LCORL: variants seen among roughly 807,000 people sequenced by gnomAD.
LCORL encodes ligand-dependent nuclear receptor corepressor-like protein.
In LCORL, 41 loss-of-function variants were observed where a neutral mutation model predicts 141.8. The observed-to-expected ratio is 0.29, with a 90% CI of 0.23 to 0.38. LCORL has a LOEUF of 0.38. LCORL is among the 10% of genes least tolerant of loss of function. LCORL has a pLI of 1.00. For missense variants in LCORL, 1,759 were observed against 2,035.0 expected (o/e 0.86, Z 2.61); for synonymous variants, 618 against 694.1 (o/e 0.89, Z 1.72).
At chr4:17,946,860 A>G (rs558466827) in intron 4 of LCORL, among the ~76,000 whole-genome samples, 3 of 152,124 alleles carry the variant, frequency 2.0e-5, no homozygotes, top group East Asian at 3.9e-4. Context: ...AAGAGCTATT[A>G]AAAGAAGAAA....
chr4:17,893,712 T>G (rs1729459635), intron 5 of LCORL: 1 of 317,394 alleles, frequency 3.2e-6, no homozygotes, highest in South Asian at 1.2e-4. Flanking sequence ...CCAAAATGTG[T>G]TTTTACAGCT....
At chr4:17,929,358 G>T (rs2109412487) in intron 4 of LCORL, among the ~76,000 whole-genome samples, 1 of 152,234 alleles carries the variant, frequency 6.6e-6, no homozygotes, top group Middle Eastern at 3.4e-3. Context: ...CGGAGGATTA[G>T]CATTTCCTAA....
chr4:17,990,641 G>GT (rs1719832244), intron 1 of LCORL, among the ~76,000 whole-genome samples: 1 of 137,132 alleles, frequency 7.3e-6, no homozygotes, highest in African/African-American at 3.1e-5. Context: ...TTCCCATCTT[G>GT]GTTTTTTTTT....
Position 17,874,309 on chromosome 4 carries a change from G to A in LCORL, c.4681C>T (p.Leu1561Phe), listed in dbSNP as rs148658749. Residue 1561 changes from leucine to phenylalanine, a missense_variant, in exon 7 of 8, where the codon CTC becomes TTC. By Grantham distance (22) the Leu-to-Phe change is conservative. This residue lies in a region of LCORL where 313 missense variants were observed against 336.1 expected (regional missense o/e 0.93). Coordinates refer to ENST00000635767, the Ensembl canonical transcript of LCORL. ...TCTGCTGATTTTGAAGGAGAAGAGA[G>A]TGCAAATTTTTTAAAGTGCTTTCTG... 283 of 1,233,894 alleles carry A rather than the reference G, an allele frequency of 2.3e-4. 1 individual carries two copies. In the East Asian group the frequency reaches 7.8e-3, roughly 34 times the overall value. 76.4% of individuals were successfully genotyped at this position (1,233,894 alleles called of 1,614,324 possible).
chr4:17,874,252 A>G (rs570473701), exon 7 of LCORL: 38 of 1,233,882 alleles, frequency 3.1e-5, no homozygotes, highest in Non-Finnish European at 3.5e-5. Flanking sequence ...AAGAGTGGAG[A>G]GTTAGCCACT....
At chr4:17,930,605 T>G (rs1017962994) in intron 4 of LCORL, among the ~76,000 whole-genome samples, 1 of 152,216 alleles carries the variant, frequency 6.6e-6, no homozygotes, top group African/African-American at 2.4e-5. Flanking sequence ...TATCAAAGGA[T>G]TTCCTAAAAT....
chr4:18,010,391 T>TGA (rs1723516397), intron 1 of LCORL, among the ~76,000 whole-genome samples: 1 of 143,422 alleles, frequency 7.0e-6, no homozygotes, highest in Non-Finnish European at 1.5e-5. Context: ...TATATATGTG[T>TGA]GTGTGTCTGT....
At chr4:17,881,345 A>G (rs1307105265) in intron 6 of LCORL, 1 of 981,814 alleles carries the variant, frequency 1.0e-6, no homozygotes, top group Non-Finnish European at 1.2e-6. Flanking sequence ...TCTTAATAGA[A>G]TCACTGGGGA....
In LCORL at chr4:17,906,977, C is replaced by T. The variant is rs146494844; in HGVS notation, c.682+2117G>A. Among the ~76,000 whole-genome samples, 763 of 152,290 alleles carry T rather than the reference C, an allele frequency of 5.0e-3. 4 individuals carry two copies. Among genetic ancestry groups the T allele is most frequent in the Middle Eastern group, 0.01 (3 of 294 alleles). ...GATTACAGGTGTGAGCCACCATGCC[C>T]GGCCAAAATGCCAACTATTCTAACC... is the stretch of plus-strand genomic sequence containing the variant. On this transcript the variant is annotated intron_variant, in intron 5 of 7. Transcript: ENST00000635767.
chr4:17,924,786 T>C (rs1734857072), intron 4 of LCORL, among the ~76,000 whole-genome samples: 1 of 152,232 alleles, frequency 6.6e-6, no homozygotes, highest in Admixed American at 6.5e-5. Context: ...CATCATGAAG[T>C]AGCTGGATTG....
intron 4 of LCORL, among the ~76,000 whole-genome samples, chr4:17,910,679 G>A (rs935350459): frequency 6.6e-6 from 1 of 152,094 alleles, no homozygotes; most frequent in Non-Finnish European, 1.5e-5. Flanking sequence ...TGGAGGTGAG[G>A]AGAGGCAACA....
intron 1 of LCORL, among the ~76,000 whole-genome samples, chr4:17,996,913 A>T (rs1056779785): frequency 6.6e-6 from 1 of 152,098 alleles, no homozygotes; most frequent in African/African-American, 2.4e-5. Context: ...AATGAATTAT[A>T]AATATTCTAA....
intron 5 of LCORL, among the ~76,000 whole-genome samples, chr4:17,888,893 C>T (rs1290919033): frequency 6.6e-6 from 1 of 152,076 alleles, no homozygotes; most frequent in African/African-American, 2.4e-5. Context: ...TGATTTTGCT[C>T]ATTTTATGTA....
chr4:18,013,196 C>A (rs1724078516), intron 1 of LCORL, among the ~76,000 whole-genome samples: 1 of 152,162 alleles, frequency 6.6e-6, no homozygotes, highest in Non-Finnish European at 1.5e-5. Flanking sequence ...CCACTCCCTC[C>A]TGGTTTTACT....
chr4:17,923,029 C>G (rs1323309992), intron 4 of LCORL, among the ~76,000 whole-genome samples: 1 of 152,214 alleles, frequency 6.6e-6, no homozygotes, highest in South Asian at 2.1e-4. Context: ...AACCCCAACA[C>G]CCCTGTTTGC....
At chr4:17,883,219 T>C in intron 6 of LCORL, 1 of 983,288 alleles carries the variant, frequency 1.0e-6, no homozygotes, top group Non-Finnish European at 1.2e-6. Flanking sequence ...TTAATTTTTC[T>C]TAGTATGGAG....
Position 17,965,978 on chromosome 4 carries a change from TTCATGAAGATCATGAAAC to T in LCORL, c.221-2947_221-2930del, listed in dbSNP as rs1177998348. 5.7e-4 allele frequency among the ~76,000 whole-genome samples: 87 copies of T among 152,122 alleles called. 3 individuals are homozygous for T. The highest frequency in any genetic ancestry group is 2.5e-4 in the Non-Finnish European group (17 of 67,964). On this transcript the variant is annotated intron_variant, in intron 2 of 7. Coordinates refer to ENST00000635767, the Ensembl canonical transcript of LCORL. ...AAAAGAAGAATATTGAGCTAGATTT[TTCATGAAGATCATGAAAC>T]ACTGGTTATAACTGTATTGGTCTGA...
chr4:17,895,962 T>C (rs1042301668), intron 5 of LCORL, among the ~76,000 whole-genome samples: 2 of 152,204 alleles, frequency 1.3e-5, no homozygotes, highest in African/African-American at 2.4e-5. Context: ...TTTGGGTTGT[T>C]TGCACTTCTT....
intron 1 of LCORL, among the ~76,000 whole-genome samples, chr4:17,978,187 T>C (rs80290935): frequency 0.022 from 3,390 of 152,318 alleles, 66 homozygotes; most frequent in Non-Finnish European, 0.036. Flanking sequence ...ATCTAATACT[T>C]TTGCTTGAAT....
Sources: allele counts gnomAD v4.1 joint callset (sites outside exome capture counted in the v4.1 genomes callset), GRCh38; gene constraint gnomAD v4.1.1; regional missense constraint gnomAD v4.1.1; transcripts MANE v1.5; gene names NCBI Gene and HGNC (gene_info 2026-07-23, HGNC 2026-07-21).